Variants in ARID5B observed in about 807,000 individuals in gnomAD.
ARID5B encodes the protein AT-rich interaction domain 5B, also known as AT-rich interactive domain-containing protein 5B.
A neutral mutation model predicts 97.2 loss-of-function variants in ARID5B; 13 were observed. That is an observed-to-expected ratio of 0.13 (90% CI 0.09 to 0.21). The LOEUF (loss-of-function observed/expected upper bound fraction) is 0.21. ARID5B is among the 10% of genes least tolerant of loss of function. The probability of loss-of-function intolerance (pLI) is 1.00; values close to 1 mark genes in which losing one functional copy is unlikely to be tolerated. For missense variants in ARID5B, 1,210 were observed against 1,465.3 expected (o/e 0.83, Z 2.84); for synonymous variants, 556 against 570.3 (o/e 0.97, Z 0.36).
At chr10:61,982,497 A>G (rs1838790198) in intron 3 of ARID5B, among the ~76,000 whole-genome samples, 1 of 151,790 alleles carries the variant, frequency 6.6e-6, no homozygotes, top group Non-Finnish European at 1.5e-5. Context: ...ATATATTCTG[A>G]GTTAAAAAAA....
intron 3 of ARID5B, among the ~76,000 whole-genome samples, chr10:61,983,519 A>G (rs1389479958): frequency 1.3e-5 from 2 of 152,226 alleles, no homozygotes; most frequent in South Asian, 2.1e-4. Flanking sequence ...CGCAAATTAC[A>G]TTTAGCTGCA....
rs1017528832 is a variant in ARID5B, at chr10:62,095,466, GT to G, written c.*2439del. On this transcript the variant is annotated 3_prime_UTR_variant, in exon 10 of 10. Transcript: ENST00000279873. ...TTTCCACTGCAATGATTTCAGTCTG[GT>G]TTCATCATGTTGGAATTCGATCACA... 5 of 233,530 alleles carry G rather than the reference GT, an allele frequency of 2.1e-5. No homozygotes were observed. The highest frequency in any genetic ancestry group is 1.1e-4 in the African/African-American group (5 of 45,400). 14.5% of individuals were successfully genotyped at this position (233,530 alleles called of 1,614,324 possible). A position where few individuals can be genotyped will look rare whatever the true frequency, so the allele number is the denominator to read the frequency against.
At chr10:61,978,324 A>G (rs10994993) in intron 3 of ARID5B, among the ~76,000 whole-genome samples, 17,147 of 152,060 alleles carry the variant, frequency 0.11, 1,164 homozygotes, top group African/African-American at 0.2. Context: ...TTTGGCTTTG[A>G]ATTGACTTGG....
intron 3 of ARID5B, among the ~76,000 whole-genome samples, chr10:61,985,866 G>A (rs1838840203): frequency 6.6e-6 from 1 of 152,066 alleles, no homozygotes; most frequent in Non-Finnish European, 1.5e-5. Context: ...GTAAAGAATT[G>A]TGCTGGCGAG....
At chr10:62,049,508 G>C (rs761524734) in intron 4 of ARID5B, 1 of 1,550,392 alleles carries the variant, frequency 6.4e-7, no homozygotes, top group South Asian at 1.2e-5. Flanking sequence ...CTCTTTGCTT[G>C]ATTTTTGTTT....
At chr10:62,069,951 A>G (rs1420554507) in intron 8 of ARID5B, among the ~76,000 whole-genome samples, 154 bp downstream of exon 8, 1 of 151,994 alleles carries the variant, frequency 6.6e-6, no homozygotes, top group Non-Finnish European at 1.5e-5. Flanking sequence ...TGTGATTTTT[A>G]GGGAACATGG....
chr10:61,915,049 T>C (rs548971714), intron 2 of ARID5B, among the ~76,000 whole-genome samples: 3 of 152,370 alleles, frequency 2.0e-5, no homozygotes, highest in African/African-American at 7.2e-5. Flanking sequence ...GAAAGCTTCT[T>C]TCCTGCTCTT....
At chr10:61,958,190 C>T (rs79695076) in intron 3 of ARID5B, among the ~76,000 whole-genome samples, 6,568 of 152,260 alleles carry the variant, frequency 0.043, 210 homozygotes, top group East Asian at 0.14. Context: ...TGCATGAGTA[C>T]GTCTTGCCTG....
intron 8 of ARID5B, 43 bp downstream of exon 8, chr10:62,069,840 A>C (rs760835125): frequency 6.3e-6 from 10 of 1,579,692 alleles, no homozygotes; most frequent in Non-Finnish European, 7.8e-6. Context: ...AAAGTGTGTT[A>C]ATTGAAAGGA....
rs997118584 is a variant in ARID5B, at chr10:62,095,386, G to GC, written c.*2356_*2357insC. ...GTTCGTGTCTCAAAAAAAAAAGGAG[G>GC]GGGGGCATCTGTCCCCGGTGGAGCT... On this transcript the variant is annotated 3_prime_UTR_variant, in exon 10 of 10. Transcript: ENST00000279873. The GC allele has an allele frequency of 4.3e-6, 1 of 232,968 alleles. No individual in the cohort carries two copies. Among genetic ancestry groups the GC allele is most frequent in the Non-Finnish European group, 8.5e-6 (1 of 117,672 alleles). The allele number at this position is 232,968 out of a possible 1,614,324, so 14.4% of individuals were successfully genotyped here. A position where few individuals can be genotyped will look rare whatever the true frequency, so the allele number is the denominator to read the frequency against.
rs71470784 is a variant in ARID5B at position 61,948,380 on chromosome 10, A to ATTTTTTTTTTTTTTT, written c.502+7978_502+7992dup. On this transcript the variant is annotated intron_variant, in intron 3 of 9. Coordinates refer to ENST00000279873, the MANE Select transcript of ARID5B (RefSeq NM_032199.3). ...CTTATCTTAGGATACACTTTAGGTAATTTTTTTTTTTTTTTTTTTTGAGAT... is the reference window on the plus strand; with the variant it reads ...CTTATCTTAGGATACACTTTAGGTAATTTTTTTTTTTTTTTTTTTTTTTTTTTTTTTTTTTGAGAT... Among the ~76,000 whole-genome samples, 69 of 86,182 alleles carry ATTTTTTTTTTTTTTT rather than the reference A, an allele frequency of 8.0e-4. 3 individuals carry two copies. Among genetic ancestry groups the ATTTTTTTTTTTTTTT allele is most frequent in the Non-Finnish European group, 9.9e-4 (45 of 45,634 alleles). The allele number at this position is 86,182 out of a possible 152,430, so 56.5% of individuals were successfully genotyped here.
chr10:61,907,951 A>C (rs1843733393), intron 2 of ARID5B, among the ~76,000 whole-genome samples: 2 of 152,372 alleles, frequency 1.3e-5, no homozygotes, highest in South Asian at 4.1e-4. Flanking sequence ...GCAATAAGGT[A>C]GATGATTGTG....
chr10:61,912,867 A>T (rs1589215979), intron 2 of ARID5B, among the ~76,000 whole-genome samples: 1 of 152,204 alleles, frequency 6.6e-6, no homozygotes, highest in East Asian at 1.9e-4. Context: ...CTCCAACGGA[A>T]GATGAGATGG....
intron 4 of ARID5B, among the ~76,000 whole-genome samples, chr10:62,017,905 G>A (rs1272168954): frequency 2.0e-5 from 3 of 152,182 alleles, no homozygotes; most frequent in Non-Finnish European, 2.9e-5. Context: ...TTTAGAGAAA[G>A]TAAGGTTTGT....
intron 2 of ARID5B, among the ~76,000 whole-genome samples, chr10:61,931,398 A>G (rs1304932719): frequency 6.6e-6 from 1 of 152,224 alleles, no homozygotes; most frequent in East Asian, 1.9e-4. Flanking sequence ...TAAACCTATA[A>G]AACTTTTAGA....
At chr10:62,011,777 C>T (rs905499539) in intron 4 of ARID5B, among the ~76,000 whole-genome samples, 1 of 152,228 alleles carries the variant, frequency 6.6e-6, no homozygotes, top group African/African-American at 2.4e-5. Context: ...GAGTCTGTGG[C>T]TACACGTTAG....
At chr10:62,015,942 A>C (rs1839278997) in intron 4 of ARID5B, among the ~76,000 whole-genome samples, 2 of 152,148 alleles carry the variant, frequency 1.3e-5, no homozygotes. Flanking sequence ...GAATTTAAAC[A>C]CTGTTATTCA....
intron 3 of ARID5B, among the ~76,000 whole-genome samples, chr10:61,986,694 C>G (rs1305267627): frequency 1.3e-5 from 2 of 152,156 alleles, no homozygotes; most frequent in African/African-American, 4.8e-5. Context: ...TCAGTGTTTC[C>G]CGTGCTGTGG....
intron 4 of ARID5B, among the ~76,000 whole-genome samples, chr10:62,032,906 A>T (rs1032257591): frequency 6.6e-6 from 1 of 151,982 alleles, no homozygotes; most frequent in Non-Finnish European, 1.5e-5. Context: ...CTATTTTGCC[A>T]CCTAGGGGCT....
Sources: gnomAD v4.1 joint callset for allele counts (sites outside exome capture counted in the v4.1 genomes callset) on GRCh38, gnomAD v4.1.1 for gene constraint, MANE v1.5 for transcripts, NCBI Gene and HGNC (gene_info 2026-07-23, HGNC 2026-07-21) for gene names.